Variants in CCNH observed in about 807,000 individuals in gnomAD.
CCNH encodes the protein cyclin H, also known as cyclin-H.
In CCNH, 31 loss-of-function variants were observed where a neutral mutation model predicts 41.9. The observed-to-expected ratio is 0.74, with a 90% CI of 0.56 to 1.00. CCNH has a LOEUF of 1.00. Among genes scored for constraint, CCNH ranks in the 50% least tolerant of loss-of-function variants. CCNH has a pLI of 0.00. For missense variants in CCNH, 362 were observed against 388.4 expected, an observed-to-expected ratio of 0.93 and a Z score of 0.57; for synonymous variants, 138 against 136.1, an observed-to-expected ratio of 1.01 and a Z score of -0.10.
intron 9 of CCNH, chr5:87,332,664 T>A: frequency 6.3e-7 from 1 of 1,597,456 alleles, no homozygotes; most frequent in Non-Finnish European, 8.6e-7. Flanking sequence ...GAATAAAATA[T>A]CTTTCAAAAC....
chr5:87,372,198 G>C, downstream of CCNH: 1 of 1,612,578 alleles, frequency 6.2e-7, no homozygotes, highest in Non-Finnish European at 8.5e-7. Context: ...TTCGTCAGGT[G>C]AAGCTTAATT....
At chr5:87,383,543 GCTTA>G (rs1191239503) in intron 9 of CCNH, among the ~76,000 whole-genome samples, 2 of 152,024 alleles carry the variant, frequency 1.3e-5, no homozygotes, top group East Asian at 3.9e-4. Context: ...CGATGCTTTG[GCTTA>G]CTGTTTTCTT....
rs534168333 is a variant in CCNH, at chr5:87,364,097, T to C, written c.*90+28673A>G. On this transcript the variant is annotated intron_variant and NMD_transcript_variant, in intron 9 of 9. Transcript: ENST00000645953. ...CCTTTACCTTTCACCATTAGTATTA[T>C]CAGTAATCCATCCCAGTCTTTTTAG... Among the ~76,000 whole-genome samples, 10 of 152,250 alleles carry C rather than the reference T, an allele frequency of 6.6e-5. No homozygotes were observed. The South Asian group carries it at 2.1e-3, about 32-fold the overall frequency.
Position 87,346,845 on chromosome 5 carries a change from G to A in CCNH, c.*91-27948C>T, listed in dbSNP as rs542426877. ...TAGTGTTTATGCATGTTATAATTTC[G>A]TGTCCAGTACTAAGAAGCTGGTGTT... On this transcript the variant is annotated intron_variant and NMD_transcript_variant, in intron 9 of 9. Transcript: ENST00000645953. 30 of 691,078 alleles carry A rather than the reference G, an allele frequency of 4.3e-5. 1 individual carries two copies. The highest frequency in any genetic ancestry group is 2.6e-4 in the Middle Eastern group (1 of 3,862). 42.8% of individuals were successfully genotyped at this position (691,078 alleles called of 1,614,324 possible).
upstream of CCNH, among the ~76,000 whole-genome samples, chr5:87,381,601 A>G (rs545662995): frequency 5.3e-4 from 81 of 152,314 alleles, no homozygotes; most frequent in Non-Finnish European, 9.0e-4. Context: ...GGGGGCAGGT[A>G]ATATTTCTCT....
At position 87,362,683 on chromosome 5, in the gene CCNH, CTT is replaced by C. The variant is rs777254176; in HGVS notation, c.*90+30085_*90+30086del. ...TCTTCTGAAAAAGGGTAAGTTCAGA[CTT>C]TTATCATTAACCCATTTGATAGAGA... On this transcript the variant is annotated intron_variant and NMD_transcript_variant, in intron 9 of 9. Transcript: ENST00000645953. 84 of 1,601,486 alleles carry C rather than the reference CTT, an allele frequency of 5.2e-5. No individual in the cohort carries two copies. The highest frequency in any genetic ancestry group is 6.9e-5 in the Non-Finnish European group (81 of 1,169,154).
In CCNH at chr5:87,319,160, G is replaced by A. The variant is rs185765675; in HGVS notation, c.*91-263C>T. On this transcript the variant is annotated intron_variant and NMD_transcript_variant, in intron 9 of 9. Coordinates refer to the CCNH transcript ENST00000645953. ...CTGCCCCATGGCTCTGCAGGATACA[G>A]CCCCCACAGCTGCTTTAATGGGCTG... 2.6e-4 allele frequency among the ~76,000 whole-genome samples: 39 copies of A among 152,336 alleles called. No individual in the cohort carries two copies. In the South Asian group the frequency reaches 6.2e-3, roughly 24 times the overall value.
chr5:87,361,322 TAGTAA>T (rs1329475986), intron 9 of CCNH, among the ~76,000 whole-genome samples: 4 of 152,234 alleles, frequency 2.6e-5, no homozygotes, highest in African/African-American at 9.6e-5. Flanking sequence ...CTTATTATTT[TAGTAA>T]TTTTGTAGCA....
intron 7 of CCNH, among the ~76,000 whole-genome samples, chr5:87,398,416 A>G (rs1374064308): frequency 2.6e-5 from 4 of 152,212 alleles, no homozygotes; most frequent in African/African-American, 9.7e-5. Context: ...GATAACTCCC[A>G]TTAAATTTTA....
intron 9 of CCNH, among the ~76,000 whole-genome samples, chr5:87,329,031 T>TA (rs1368389766): frequency 1.3e-5 from 2 of 152,216 alleles, no homozygotes; most frequent in Non-Finnish European, 2.9e-5. Context: ...GTTTGAAGCT[T>TA]ACGACCTTTT....
At chr5:87,402,001 A>C (rs1399749654) in intron 5 of CCNH, among the ~76,000 whole-genome samples, 1 of 152,206 alleles carries the variant, frequency 6.6e-6, no homozygotes, top group Non-Finnish European at 1.5e-5. Flanking sequence ...TTTCAGAGGG[A>C]AAATAGTATG....
At chr5:87,403,687 T>C (rs1763583139) in intron 5 of CCNH, among the ~76,000 whole-genome samples, 1 of 152,024 alleles carries the variant, frequency 6.6e-6, no homozygotes, top group Non-Finnish European at 1.5e-5. Context: ...CAAGCTGAAG[T>C]AGGAGGATCG....
chr5:87,380,080 G>C (rs111265180), upstream of CCNH, among the ~76,000 whole-genome samples: 2 of 152,266 alleles, frequency 1.3e-5, no homozygotes, highest in African/African-American at 4.8e-5. Context: ...GTAGCTTGGG[G>C]AGTGAATAGA....
chr5:87,353,292 G>T, intron 9 of CCNH: 1 of 1,390,840 alleles, frequency 7.2e-7, no homozygotes. Context: ...ATGCATTTTG[G>T]TGGTATGTTT....
chr5:87,372,218 T>A (rs1369786459), downstream of CCNH: 1 of 1,601,622 alleles, frequency 6.2e-7, no homozygotes, highest in Non-Finnish European at 8.6e-7. Flanking sequence ...TTTCTTGGAT[T>A]TTTAATTGTC....
At chr5:87,351,842 C>T (rs913664561) in intron 9 of CCNH, among the ~76,000 whole-genome samples, 6 of 151,734 alleles carry the variant, frequency 4.0e-5, no homozygotes, top group Non-Finnish European at 8.9e-5. Flanking sequence ...CCCATGGTTT[C>T]CTGTTCTCTC....
downstream of CCNH, chr5:87,390,989 C>A: frequency 8.9e-7 from 1 of 1,128,880 alleles, no homozygotes. Flanking sequence ...CACTTTTCCA[C>A]ATTCCAGTGA....
intron 9 of CCNH, chr5:87,369,754 T>A (rs1340080834): frequency 9.2e-7 from 1 of 1,090,252 alleles, no homozygotes; most frequent in Non-Finnish European, 1.4e-6. Flanking sequence ...TGGAAGCTGG[T>A]ATAAATATTT....
At chr5:87,373,829 T>TA (rs1199606499), downstream of CCNH, among the ~76,000 whole-genome samples, 1 of 152,100 alleles carries the variant, frequency 6.6e-6, no homozygotes, top group Non-Finnish European at 1.5e-5. Context: ...CTTATATTAA[T>TA]AAAGAATTTT....
Sources: allele counts gnomAD v4.1 joint callset (sites outside exome capture counted in the v4.1 genomes callset), GRCh38; gene constraint gnomAD v4.1.1; transcripts MANE v1.5; gene names NCBI Gene and HGNC (gene_info 2026-07-23, HGNC 2026-07-21).